The following MCL1 variants were observed in gnomAD, a reference collection of about 807,000 sequenced individuals.
The protein encoded by MCL1 is induced myeloid leukemia cell differentiation protein Mcl-1.
A neutral mutation model predicts 24.2 loss-of-function variants in MCL1; 4 were observed. The observed-to-expected ratio is 0.17, with a 90% CI of 0.08 to 0.38. MCL1 has a LOEUF of 0.38. Ranked by LOEUF, MCL1 falls within the 10% of genes least tolerant of loss-of-function variation. The pLI, the probability that MCL1 is intolerant of heterozygous loss-of-function variation, is 1.00. For missense variants in MCL1, 529 were observed against 480.3 expected (o/e 1.10, Z -0.95); for synonymous variants, 248 against 214.0 (o/e 1.16, Z -1.39).
At chr1:150,578,132 G>T in intron 2 of MCL1, 112 bp downstream of exon 2, 1 of 1,163,574 alleles carries the variant, frequency 8.6e-7, no homozygotes, top group Non-Finnish European at 1.2e-6. Context: ...TTTAGTTAGA[G>T]CCTGCAAACA....
At position 150,578,379 on chromosome 1, in the gene MCL1, G is replaced by T; in HGVS notation, c.801C>A (p.Leu267=). 1.2e-6 allele frequency: 2 copies of T among 1,614,222 alleles called. No homozygotes were observed. Among genetic ancestry groups the T allele is most frequent in the South Asian group, 1.1e-5 (1 of 91,086 alleles). Residue 267 remains leucine (L), a synonymous_variant, in exon 2 of 3, where the codon CTC becomes CTA. Coordinates refer to ENST00000369026, the MANE Select transcript of MCL1 (RefSeq NM_021960.5). ...GVTNWGRIVT[L]ISFGAFVAKH... is the part of the protein sequence containing the mutation. Reference sequence around the variant, plus strand: ...TAGCCACAAAGGCACCAAAAGAAATGAGAGTCACAATCCTGCCCCAGTTTG... The same window carrying T: ...TAGCCACAAAGGCACCAAAAGAAATTAGAGTCACAATCCTGCCCCAGTTTG...
rs887869962 is a variant in MCL1, at chr1:150,576,679, T to C, written c.*696A>G. 2.2e-5 allele frequency: 5 copies of C among 232,212 alleles called. No individual in the cohort carries two copies. Among genetic ancestry groups the C allele is most frequent in the Admixed American group, 5.6e-5 (1 of 17,738 alleles). The allele number at this position is 232,212 out of a possible 1,614,324, so 14.4% of individuals were successfully genotyped here. On this transcript the variant is annotated 3_prime_UTR_variant, in exon 3 of 3. Transcript: ENST00000369026. ...GAAATAGACTTTCTGTAAAAATATA[T>C]ACAATTTTTACAAATACATTTACAA...
rs770691940 is a variant in MCL1, at chr1:150,578,833, AC to A, written c.688+9del. 1.9e-6 allele frequency: 3 copies of A among 1,600,022 alleles called. No homozygotes were observed. In the East Asian group the frequency reaches 6.7e-5, roughly 36 times the overall value. On this transcript the variant is annotated intron_variant, in intron 1 of 2. Coordinates refer to ENST00000369026, the MANE Select transcript of MCL1 (RefSeq NM_021960.5). ...GGAGTGAGGCCTTGGCGATTAATGA[AC>A]CCCCTTACCTTGGAAGGCCGTCTCG...
In MCL1 at chr1:150,579,011, A is replaced by C. The variant is rs1570983042; in HGVS notation, c.520T>G (p.Leu174Val). 1 of 1,613,304 alleles carries C rather than the reference A, an allele frequency of 6.2e-7. No homozygotes were observed. The highest frequency in any genetic ancestry group is 8.5e-7 in the Non-Finnish European group (1 of 1,179,950). The change falls in exon 1 of 3, where the codon TTG becomes GTG. Residue 174 changes from leucine to valine, a missense_variant. Leu to Val is a conservative substitution (Grantham distance 32). Transcript: ENST00000369026. The stretch of plus-strand genomic sequence containing the variant: ...ATAATCTCCAGCGACTGCCGGTACA[A>C]CTCGTCCTCCTCCTCCTCTGCTGGC... The part of the protein sequence containing the change: ...PPPAEEEEDE[L>V]YRQSLEIISR...
rs1326876622 is a variant in MCL1 at position 150,576,881 on chromosome 1, T to G, written c.*494A>C. On this transcript the variant is annotated 3_prime_UTR_variant, in exon 3 of 3. Transcript: ENST00000369026. ...CTAAGAAGTATACTGGGAAAGCTAATTAGAGAGAGGAAAAGCTTCCCTTGT... is the reference window on the plus strand; with the variant it reads ...CTAAGAAGTATACTGGGAAAGCTAAGTAGAGAGAGGAAAAGCTTCCCTTGT... 8.6e-6 allele frequency: 2 copies of G among 233,452 alleles called. No individual in the cohort carries two copies. The allele number at this position is 233,452 out of a possible 1,614,324, so 14.5% of individuals were successfully genotyped here.
rs779751278 is a variant in MCL1, at chr1:150,579,492, G to T, written c.39C>A (p.Asn13Lys). ...CCAAGCCGGCCCCCCCACAGTAGAGGTTGAGTCCGATTACCGCGTTTCTTT... is the reference window on the plus strand; with the variant it reads ...CCAAGCCGGCCCCCCCACAGTAGAGTTTGAGTCCGATTACCGCGTTTCTTT... Reference protein sequence around the residue: ...GLKRNAVIGLNLYCGGAGLGA... With the variant: ...GLKRNAVIGLKLYCGGAGLGA... The change falls in exon 1 of 3, where the codon AAC becomes AAA. Residue 13 changes from asparagine to lysine, a missense_variant. Asn to Lys is a moderately conservative substitution (Grantham distance 94, BLOSUM62 0). Transcript: ENST00000369026. 6.2e-7 allele frequency: 1 copy of T among 1,600,494 alleles called. No individual in the cohort carries two copies. Among genetic ancestry groups the T allele is most frequent in the South Asian group, 1.1e-5 (1 of 90,560 alleles).
Position 150,579,481 on chromosome 1 carries a change from C to A in MCL1, c.50G>T (p.Gly17Val), listed in dbSNP as rs1012747207. 2 of 1,596,538 alleles carry A rather than the reference C, an allele frequency of 1.3e-6. No homozygotes were observed. Among genetic ancestry groups the A allele is most frequent in the Admixed American group, 1.7e-5 (1 of 58,944 alleles). Residue 17 changes from glycine to valine, a missense_variant, in exon 1 of 3, where the codon GGG becomes GTG. By Grantham distance (109) the Gly-to-Val change is moderately radical (BLOSUM62 -3). Transcript: ENST00000369026. ...NAVIGLNLYC[G>V]GAGLGAGSGG... is the part of the protein sequence containing the mutation. ...GCTGCCGGCCCCCAAGCCGGCCCCCCCACAGTAGAGGTTGAGTCCGATTAC... is the reference window on the plus strand; with the variant it reads ...GCTGCCGGCCCCCAAGCCGGCCCCCACACAGTAGAGGTTGAGTCCGATTAC...
intron 2 of MCL1, 27 bp downstream of exon 2, chr1:150,578,216 GC>G (rs1647897351): frequency 6.2e-7 from 1 of 1,600,188 alleles, no homozygotes; most frequent in South Asian, 1.1e-5. Flanking sequence ...CCACTCCAAG[GC>G]CCCTTTCATC....
At chr1:150,578,658 C>T in intron 1 of MCL1, 167 bp from the exon 2 acceptor site, 2 of 1,034,998 alleles carry the variant, frequency 1.9e-6, no homozygotes, top group Non-Finnish European at 2.8e-6. Flanking sequence ...CAAGAGCTGC[C>T]ATTTCCAAAA....
Position 150,577,307 on chromosome 1 carries a change from A to C in MCL1, c.*68T>G. On this transcript the variant is annotated 3_prime_UTR_variant, in exon 3 of 3. Transcript: ENST00000369026. Reference sequence around the variant, plus strand: ...TCTAGGAAGTTACAGCTTGGAGTCCAACTGCATAAACTGGTTTTGGTGGTG... The same window carrying C: ...TCTAGGAAGTTACAGCTTGGAGTCCCACTGCATAAACTGGTTTTGGTGGTG... The C allele has an allele frequency of 6.3e-7, 1 of 1,579,628 alleles. No individual in the cohort carries two copies. The highest frequency in any genetic ancestry group is 1.2e-5 in the South Asian group (1 of 85,772).
rs587760732 is a variant in MCL1, at chr1:150,577,165, T to C, written c.*210A>G. 4.3e-5 allele frequency: 23 copies of C among 539,062 alleles called. No homozygotes were observed. The South Asian group carries it at 7.2e-4, about 17-fold the overall frequency. The allele number at this position is 539,062 out of a possible 1,614,324, so 33.4% of individuals were successfully genotyped here. A position where few individuals can be genotyped will look rare whatever the true frequency, so the allele number is the denominator to read the frequency against. On this transcript the variant is annotated 3_prime_UTR_variant, in exon 3 of 3. Transcript: ENST00000369026. ...TTTGTTTGTTGCTGAAACTGAACTT[T>C]GCTTCTTTCAGACAGTGACTCTTCA... is the stretch of plus-strand genomic sequence containing the variant.
chr1:150,575,881 TAAGTCTGATAGA>T lies in MCL1; in HGVS notation c.*1482_*1493del, dbSNP rs1336951428. The T allele has an allele frequency of 4.3e-6, 1 of 233,498 alleles. No homozygotes were observed. The highest frequency in any genetic ancestry group is 2.2e-5 in the African/African-American group (1 of 45,326). The allele number at this position is 233,498 out of a possible 1,614,324, so 14.5% of individuals were successfully genotyped here. On this transcript the variant is annotated 3_prime_UTR_variant, in exon 3 of 3. Transcript: ENST00000369026. Reference sequence around the variant, plus strand: ...CAAGGAAGGACAGGAAATAAAAGGTTAAGTCTGATAGAACAAACATCAAGACTGAAATCCAAA... The same window carrying T: ...CAAGGAAGGACAGGAAATAAAAGGTTACAAACATCAAGACTGAAATCCAAA...
At chr1:150,578,818 C>G (rs778179491) in intron 1 of MCL1, 25 bp downstream of exon 1, 1 of 1,594,534 alleles carries the variant, frequency 6.3e-7, no homozygotes, top group Non-Finnish European at 8.6e-7. Context: ...GGAGTGAGGC[C>G]TTGGCGATTA....
At position 150,577,244 on chromosome 1, in the gene MCL1, T is replaced by C; in HGVS notation, c.*131A>G. The C allele has an allele frequency of 4.3e-6, 5 of 1,151,254 alleles. No homozygotes were observed. In the South Asian group the frequency reaches 6.3e-5, roughly 15 times the overall value. The allele number at this position is 1,151,254 out of a possible 1,614,324, so 71.3% of individuals were successfully genotyped here. On this transcript the variant is annotated 3_prime_UTR_variant, in exon 3 of 3. Coordinates refer to ENST00000369026, the MANE Select transcript of MCL1 (RefSeq NM_021960.5). ...TTATTCTTGTTAGCCATAATCCTCT[T>C]GCCACTTGCTTTTCTGGCTAGGTTG...
In MCL1 at chr1:150,577,693, T is replaced by C. The variant is rs587733886; in HGVS notation, c.937-202A>G. Among the ~76,000 whole-genome samples the C allele has an allele frequency of 3.9e-5, 6 of 152,344 alleles. No individual in the cohort carries two copies. The East Asian group carries it at 9.6e-4, about 24-fold the overall frequency. On this transcript the variant is annotated intron_variant, in intron 2 of 2. Transcript: ENST00000369026. The stretch of plus-strand genomic sequence containing the variant: ...GGGGACCCATGATAATTAAACTTCA[T>C]TTTACAGTACTATCTTGGTCTTATT...
rs1436006990 is a variant in MCL1 at position 150,576,279 on chromosome 1, T to C, written c.*1096A>G. The stretch of plus-strand genomic sequence containing the variant: ...AGGAACTCAAATGAGTATTGCCCAA[T>C]CAGAGCCCATTATTTGTAAGTCATC... On this transcript the variant is annotated 3_prime_UTR_variant, in exon 3 of 3. Coordinates refer to ENST00000369026, the MANE Select transcript of MCL1 (RefSeq NM_021960.5). The C allele has an allele frequency of 8.6e-6, 2 of 232,954 alleles. No individual in the cohort carries two copies. The highest frequency in any genetic ancestry group is 1.7e-5 in the Non-Finnish European group (2 of 117,798). 14.4% of individuals were successfully genotyped at this position (232,954 alleles called of 1,614,324 possible).
In MCL1 at chr1:150,579,251, CG is replaced by C; in HGVS notation, c.279del (p.Ala94ArgfsTer150). On this transcript the variant is annotated frameshift_variant, in exon 1 of 3. Transcript: ENST00000369026. LOFTEE classifies it high-confidence loss of function. ...GAEVPDVTAT[P>X]ARLLFFAPTR... ...GTGGGCGCGAAGAAAAGCAGCCTCG[CG>C]GGGGTCGCGGTGACGTCGGGGACCT... is the stretch of plus-strand genomic sequence containing the variant. 6.6e-7 allele frequency: 1 copy of C among 1,515,992 alleles called. No individual in the cohort carries two copies. The highest frequency in any genetic ancestry group is 8.8e-7 in the Non-Finnish European group (1 of 1,138,058). 93.9% of individuals were successfully genotyped at this position (1,515,992 alleles called of 1,614,324 possible). A position where few individuals can be genotyped will look rare whatever the true frequency, so the allele number is the denominator to read the frequency against.
rs76955524 is a variant in MCL1, at chr1:150,578,945, T to G, written c.586A>C (p.Thr196Pro). The G allele has an allele frequency of 6.2e-7, 1 of 1,613,770 alleles. No individual in the cohort carries two copies. Among genetic ancestry groups the G allele is most frequent in the Non-Finnish European group, 8.5e-7 (1 of 1,180,036 alleles). The change falls in exon 1 of 3, where the codon ACA becomes CCA. Residue 196 changes from threonine (T) to proline (P), a missense_variant. Coordinates refer to ENST00000369026, the MANE Select transcript of MCL1 (RefSeq NM_021960.5). ...LREQATGAKDTKPMGRSGATS... is the reference protein window; with the variant it reads ...LREQATGAKDPKPMGRSGATS... ...GCCCCAGACCTGCCCATTGGCTTTG[T>G]GTCCTTGGCGCCGGTGGCCTGCTCC... is the stretch of plus-strand genomic sequence containing the variant.
At position 150,577,321 on chromosome 1, in the gene MCL1, G is replaced by T. The variant is rs1647850396; in HGVS notation, c.*54C>A. The T allele has an allele frequency of 6.3e-7, 1 of 1,599,206 alleles. No individual in the cohort carries two copies. On this transcript the variant is annotated 3_prime_UTR_variant, in exon 3 of 3. Coordinates refer to ENST00000369026, the MANE Select transcript of MCL1 (RefSeq NM_021960.5). ...GCTTGGAGTCCAACTGCATAAACTG[G>T]TTTTGGTGGTGGTGGTGGTTGGTTA...
Sources: allele counts gnomAD v4.1 joint callset (sites outside exome capture counted in the v4.1 genomes callset), GRCh38; gene constraint gnomAD v4.1.1; transcripts MANE v1.5; gene names NCBI Gene and HGNC (gene_info 2026-07-23, HGNC 2026-07-21).